IRAG2: variants seen among roughly 807,000 people sequenced by gnomAD.
The protein encoded by IRAG2 is lymphoid restricted membrane protein.
A neutral mutation model predicts 69.9 loss-of-function variants in IRAG2; 45 were observed. That is an observed-to-expected ratio of 0.64 (90% CI 0.51 to 0.83). The LOEUF is 0.83. IRAG2 is among the 40% of genes least tolerant of loss of function. IRAG2 has a pLI of 0.00. For synonymous variants in IRAG2, 193 were observed against 202.4 expected, an observed-to-expected ratio of 0.95 and a Z score of 0.40; for missense variants, 520 against 587.0, an observed-to-expected ratio of 0.89 and a Z score of 1.18.
exon 10 of IRAG2, chr12:25,030,294 A>C (rs1246925822): frequency 8.1e-7 from 1 of 1,231,584 alleles, no homozygotes; most frequent in Non-Finnish European, 1.0e-6. Flanking sequence ...TTACACACAT[A>C]TGAGAACACT....
chr12:25,002,626 A>G (rs116399030), upstream of IRAG2, among the ~76,000 whole-genome samples: 1,813 of 135,440 alleles, frequency 0.013, 43 homozygotes, highest in African/African-American at 0.044. Context: ...TTGAGAGATC[A>G]TTCTTCTTCT....
chr12:25,091,645 A>T (rs550268804), intron 14 of IRAG2, among the ~76,000 whole-genome samples: 221 of 141,456 alleles, frequency 1.6e-3, no homozygotes, highest in African/African-American at 5.7e-3. Context: ...TTGCTAGGTC[A>T]TATAGTAATT....
intron 13 of IRAG2, 63 bp from the exon 14 acceptor site, chr12:25,089,994 G>A (rs771815128): frequency 1.3e-4 from 200 of 1,535,514 alleles, no homozygotes; most frequent in Non-Finnish European, 1.7e-4. Context: ...GTATTAAACT[G>A]AAACATCTGA....
intron 2 of IRAG2, among the ~76,000 whole-genome samples, chr12:25,062,178 A>G (rs1223687194): frequency 1.3e-5 from 2 of 152,324 alleles, no homozygotes; most frequent in African/African-American, 2.4e-5. Context: ...AATGAAGAAC[A>G]TAAGGGAACA....
intron 1 of IRAG2, among the ~76,000 whole-genome samples, chr12:25,055,971 G>C (rs563956913): frequency 3.0e-4 from 46 of 152,122 alleles, no homozygotes; most frequent in Non-Finnish European, 5.7e-4. Context: ...GACAATGAGA[G>C]AATTACCTTT....
At chr12:25,090,965 T>C (rs1488734674) in intron 14 of IRAG2, 2 of 401,918 alleles carry the variant, frequency 5.0e-6, no homozygotes, top group African/African-American at 4.2e-5. Flanking sequence ...AAGCCTGCTG[T>C]AGGGTACTGA....
intron 14 of IRAG2, among the ~76,000 whole-genome samples, chr12:25,095,189 G>A (rs763468896): frequency 3.0e-4 from 46 of 152,236 alleles, no homozygotes; most frequent in South Asian, 2.7e-3. Context: ...TCACCACTGA[G>A]TATAATCGTA....
chr12:25,107,912 T>C lies in IRAG2; in HGVS notation c.1352T>C (p.Phe451Ser). The C allele has an allele frequency of 4.3e-6, 7 of 1,614,222 alleles. No homozygotes were observed. The highest frequency in any genetic ancestry group is 5.9e-6 in the Non-Finnish European group (7 of 1,180,024). The stretch of plus-strand genomic sequence containing the variant: ...CTCTCTATTGCATTCATTGTACTGT[T>C]TGCAGCTTTGATGAGCTTCCTCACA... ...LWLSIAFIVL[F>S]AALMSFLTGQ... The change falls in exon 22 of 22, where the codon TTT (phenylalanine) becomes TCT (serine). Residue 451 changes from phenylalanine to serine, a missense_variant. Phe to Ser is a radical substitution (Grantham distance 155, BLOSUM62 -2). Coordinates refer to ENST00000556887, the MANE Select transcript of IRAG2 (RefSeq NM_001366544.2).
intron 3 of IRAG2, among the ~76,000 whole-genome samples, chr12:25,012,781 T>G (rs1944487218): frequency 6.6e-6 from 1 of 152,048 alleles, no homozygotes; most frequent in Non-Finnish European, 1.5e-5. Context: ...TGAGCCGAGA[T>G]CGTGCCATAG....
intron 18 of IRAG2, 53 bp downstream of exon 18, chr12:25,103,952 C>T (rs374861414): frequency 3.8e-6 from 6 of 1,595,250 alleles, no homozygotes; most frequent in South Asian, 3.3e-5. Context: ...TTTCATATGA[C>T]AGAAAATATA....
intron 14 of IRAG2, among the ~76,000 whole-genome samples, chr12:25,095,034 T>C (rs1269101388): frequency 1.3e-5 from 2 of 152,162 alleles, no homozygotes; most frequent in Non-Finnish European, 2.9e-5. Context: ...TGATTTGACT[T>C]CTTCCTTTCT....
At chr12:25,050,514 C>A (rs371795280), upstream of IRAG2, among the ~76,000 whole-genome samples, 16 of 116,454 alleles carry the variant, frequency 1.4e-4, no homozygotes, top group East Asian at 3.8e-3. Context: ...GGAGACAGAG[C>A]GAGACTCCGT....
At chr12:25,004,376 A>G (rs1944415026) in exon 1 of IRAG2, 5 of 1,232,194 alleles carry the variant, frequency 4.1e-6, no homozygotes, top group Non-Finnish European at 5.1e-6. Flanking sequence ...GAGAAGCGGC[A>G]TAACCCAGTG....
rs530847380 is a variant in IRAG2 at position 25,035,570 on chromosome 12, C to T, written c.1744-83C>T. The T allele has an allele frequency of 2.5e-5, 10 of 397,844 alleles. No homozygotes were observed. The South Asian group carries it at 5.4e-4, about 22-fold the overall frequency. 24.6% of individuals were successfully genotyped at this position (397,844 alleles called of 1,614,324 possible). A position where few individuals can be genotyped will look rare whatever the true frequency, so the allele number is the denominator to read the frequency against. ...AATGACAAGGACAATGACATTAACT[C>T]ATGAGCATCATTTTTGTTAAGTGAA... On this transcript the variant is annotated intron_variant, in intron 13 of 38. Transcript: ENST00000636465.
intron 8 of IRAG2, among the ~76,000 whole-genome samples, chr12:25,025,612 T>C (rs573890344): frequency 9.8e-5 from 15 of 152,338 alleles, no homozygotes; most frequent in Non-Finnish European, 5.9e-5. Context: ...AAGACAACTC[T>C]GGCTGCTGGG....
rs1947916887 is a variant in IRAG2 at position 25,089,877 on chromosome 12, C to A, written c.465+87C>A. 5.7e-6 allele frequency: 8 copies of A among 1,408,556 alleles called. No homozygotes were observed. The South Asian group carries it at 9.4e-5, about 17-fold the overall frequency. 87.3% of individuals were successfully genotyped at this position (1,408,556 alleles called of 1,614,324 possible). A position where few individuals can be genotyped will look rare whatever the true frequency, so the allele number is the denominator to read the frequency against. ...CACTTCATGTTTTGGCACAAGCTCT[C>A]ATATGCTCGGTGTCTGTTTGGCTTG... On this transcript the variant is annotated intron_variant, in intron 13 of 21. Transcript: ENST00000556887.
At chr12:25,071,976 G>C (rs1946369279) in intron 6 of IRAG2, among the ~76,000 whole-genome samples, 1 of 152,142 alleles carries the variant, frequency 6.6e-6, no homozygotes, top group African/African-American at 2.4e-5. Flanking sequence ...GACCGAGGCA[G>C]GTGGATCACC....
At chr12:25,049,265 T>G (rs1249968461), upstream of IRAG2, among the ~76,000 whole-genome samples, 2 of 152,246 alleles carry the variant, frequency 1.3e-5, no homozygotes, top group Non-Finnish European at 2.9e-5. Flanking sequence ...AAATAGTTTA[T>G]TCTAATTCTG....
At chr12:25,100,350 A>G (rs1948686864) in intron 15 of IRAG2, among the ~76,000 whole-genome samples, 1 of 152,156 alleles carries the variant, frequency 6.6e-6, no homozygotes, top group Non-Finnish European at 1.5e-5. Flanking sequence ...CTTAAAAGTT[A>G]AACATAGAAT....
Sources: gnomAD v4.1 joint callset for allele counts (sites outside exome capture counted in the v4.1 genomes callset) on GRCh38, gnomAD v4.1.1 for gene constraint, MANE v1.5 for transcripts, NCBI Gene and HGNC (gene_info 2026-07-23, HGNC 2026-07-21) for gene names.